The following SLC25A26 variants were observed in gnomAD, a reference collection of about 807,000 sequenced individuals.
The protein encoded by SLC25A26 is solute carrier family 25 member 26.
SLC25A26 carries 36 observed loss-of-function variants against 37.8 expected under a neutral mutation model. The observed-to-expected ratio is 0.95, with a 90% CI of 0.73 to 1.26. The LOEUF is 1.26. SLC25A26 is among the 50% of genes most tolerant of loss of function. The probability of loss-of-function intolerance (pLI) is 0.00; values close to 1 mark genes in which losing one functional copy is unlikely to be tolerated. For synonymous variants in SLC25A26, 129 were observed against 122.5 expected (o/e 1.05, Z -0.35); for missense variants, 390 against 331.1 (o/e 1.18, Z -1.38).
intron 1 of SLC25A26, among the ~76,000 whole-genome samples, chr3:66,193,314 G>A (rs1445441986): frequency 6.6e-6 from 1 of 152,090 alleles, no homozygotes; most frequent in East Asian, 1.9e-4. Flanking sequence ...TTTGCATGAG[G>A]TGACTTATTT....
intron 5 of SLC25A26, among the ~76,000 whole-genome samples, chr3:66,299,210 G>A (rs1406099327): frequency 6.6e-6 from 1 of 151,328 alleles, no homozygotes; most frequent in East Asian, 1.9e-4. Context: ...CTTTTTTTTT[G>A]AGGCAAAGTT....
intron 5 of SLC25A26, among the ~76,000 whole-genome samples, chr3:66,278,179 C>A (rs2074220008): frequency 6.6e-6 from 1 of 152,082 alleles, no homozygotes. Context: ...GCTATTTATG[C>A]AACTTTTATG....
rs889828114 is a variant in SLC25A26, at chr3:66,227,185, A to G, written c.33+6058A>G. On this transcript the variant is annotated intron_variant, in intron 1 of 9. Coordinates refer to ENST00000354883, the MANE Select transcript of SLC25A26 (RefSeq NM_001379210.1). ...CTGGGACATTTTCATCCTTTTCATCACAACTACTTTCCTTATTTATGTTAA... is the reference window on the plus strand; with the variant it reads ...CTGGGACATTTTCATCCTTTTCATCGCAACTACTTTCCTTATTTATGTTAA... Among the ~76,000 whole-genome samples the G allele has an allele frequency of 2.0e-5, 3 of 152,172 alleles. No individual in the cohort carries two copies. The East Asian group carries it at 5.8e-4, about 29-fold the overall frequency.
At position 66,280,109 on chromosome 3, in the gene SLC25A26, T is replaced by G. The variant is rs553741703; in HGVS notation, c.453+16730T>G. ...AAGGTTTTCTCATCCTTTTAGACAT[T>G]TAATATTAGTTTGAAAAAGTAGTGA... On this transcript the variant is annotated intron_variant, in intron 5 of 9. Coordinates refer to ENST00000354883, the MANE Select transcript of SLC25A26 (RefSeq NM_001379210.1). Among the ~76,000 whole-genome samples the G allele has an allele frequency of 3.9e-5, 6 of 152,288 alleles. No homozygotes were observed. The East Asian group carries it at 1.2e-3, about 29-fold the overall frequency.
At chr3:66,314,946 A>G (rs1353961058) in intron 5 of SLC25A26, among the ~76,000 whole-genome samples, 2 of 151,130 alleles carry the variant, frequency 1.3e-5, no homozygotes, top group African/African-American at 4.9e-5. Flanking sequence ...CATTGTTTGT[A>G]TTTCTGTGGG....
At chr3:66,336,061 G>T (rs1310285134) in intron 5 of SLC25A26, among the ~76,000 whole-genome samples, 3 of 152,130 alleles carry the variant, frequency 2.0e-5, no homozygotes, top group African/African-American at 7.2e-5. Context: ...AATGCACAGA[G>T]GATGTATCTA....
chr3:66,371,821 G>A (rs747791179), intron 9 of SLC25A26, among the ~76,000 whole-genome samples: 12 of 152,172 alleles, frequency 7.9e-5, no homozygotes, highest in Non-Finnish European at 1.3e-4. Context: ...TTAGGGGCCG[G>A]GTGCGGGGCT....
rs952740927 is a variant in SLC25A26, at chr3:66,202,951, G to A, written c.-353-17791G>A. Among the ~76,000 whole-genome samples the A allele has an allele frequency of 2.0e-3, 312 of 152,266 alleles. 2 individuals carry two copies. The highest frequency in any genetic ancestry group is 7.1e-3 in the African/African-American group (294 of 41,560). ...AAACGTAAAATTATACATGTATTAC[G>A]TTGTTTTTAACTAAATGACATAGCA... On this transcript the variant is annotated intron_variant, in intron 1 of 10. Transcript: ENST00000676754.
At chr3:66,202,534 A>G in intron 1 of SLC25A26, among the ~76,000 whole-genome samples, 1 of 151,204 alleles carries the variant, frequency 6.6e-6, no homozygotes, top group Middle Eastern at 3.4e-3. Flanking sequence ...GTAAAATGAA[A>G]AAAAAAAAAA....
At chr3:66,308,487 CTTTA>C (rs1559682555) in intron 5 of SLC25A26, among the ~76,000 whole-genome samples, 1 of 152,148 alleles carries the variant, frequency 6.6e-6, no homozygotes, top group Non-Finnish European at 1.5e-5. Flanking sequence ...TTTGAATACC[CTTTA>C]TTTCTTTCTC....
intron 5 of SLC25A26, among the ~76,000 whole-genome samples, chr3:66,302,480 A>G: frequency 6.8e-6 from 1 of 148,018 alleles, no homozygotes. Context: ...TGTTGTTTTG[A>G]CACTTTTCTC....
rs965141012 is a variant in SLC25A26 at position 66,188,504 on chromosome 3, C to T, written c.-353-32238C>T. 9.9e-3 allele frequency among the ~76,000 whole-genome samples: 1,502 copies of T among 152,000 alleles called. 8 individuals carry two copies. Among genetic ancestry groups the T allele is most frequent in the Middle Eastern group, 0.02 (6 of 294 alleles). On this transcript the variant is annotated intron_variant, in intron 1 of 10. Transcript: ENST00000676754. ...TGAGATCTGGTTGTTAAAAGGAGCC[C>T]GGTACCTCCCCTTCTACTCTCCCTC...
At chr3:66,372,303 G>A (rs1449861065) in intron 9 of SLC25A26, among the ~76,000 whole-genome samples, 5 of 152,196 alleles carry the variant, frequency 3.3e-5, no homozygotes, top group Admixed American at 1.3e-4. Flanking sequence ...GCTGTGCAGA[G>A]CTGCAGCCCC....
At chr3:66,206,580 A>C (rs2071180355) in intron 1 of SLC25A26, among the ~76,000 whole-genome samples, 2 of 152,178 alleles carry the variant, frequency 1.3e-5, no homozygotes, top group Non-Finnish European at 2.9e-5. Context: ...CCTCTTTTGA[A>C]GGGTAGGTAT....
chr3:66,359,410 TTTC>T (rs1249736498), intron 6 of SLC25A26, among the ~76,000 whole-genome samples: 1 of 152,252 alleles, frequency 6.6e-6, no homozygotes, highest in African/African-American at 2.4e-5. Flanking sequence ...ACATTTTTGA[TTTC>T]TTATCACATT....
At chr3:66,206,259 T>A (rs2071175391) in intron 1 of SLC25A26, among the ~76,000 whole-genome samples, 1 of 152,182 alleles carries the variant, frequency 6.6e-6, no homozygotes, top group South Asian at 2.1e-4. Context: ...TACGGGGCAG[T>A]GTATCTGCAA....
At position 66,285,751 on chromosome 3, in the gene SLC25A26, C is replaced by T. The variant is rs140800840; in HGVS notation, c.453+22372C>T. Among the ~76,000 whole-genome samples, 315 of 152,060 alleles carry T rather than the reference C, an allele frequency of 2.1e-3. 1 individual carries two copies. The highest frequency in any genetic ancestry group is 3.3e-3 in the Non-Finnish European group (223 of 67,992). On this transcript the variant is annotated intron_variant, in intron 5 of 9. Transcript: ENST00000354883. ...CTGGGATTACAGGCATGAGCCACCA[C>T]GCCTGGCCCAAAACTTGTTATATTT...
intron 2 of SLC25A26, among the ~76,000 whole-genome samples, chr3:66,241,235 T>G (rs2072570114): frequency 2.0e-5 from 3 of 152,066 alleles, no homozygotes. Context: ...CCCTACACAT[T>G]GTGACTTAAT....
chr3:66,312,684 A>T (rs951692949), intron 5 of SLC25A26, among the ~76,000 whole-genome samples: 1 of 152,168 alleles, frequency 6.6e-6, no homozygotes, highest in Non-Finnish European at 1.5e-5. Flanking sequence ...TGGGAAAAGC[A>T]TAGTATTTGG....
Sources: gnomAD v4.1 joint callset for allele counts (sites outside exome capture counted in the v4.1 genomes callset) on GRCh38, gnomAD v4.1.1 for gene constraint, MANE v1.5 for transcripts, NCBI Gene and HGNC (gene_info 2026-07-23, HGNC 2026-07-21) for gene names.